The following SLC39A11 variants were observed in gnomAD, a reference collection of about 807,000 sequenced individuals.
The protein encoded by SLC39A11 is zinc transporter ZIP11.
A neutral mutation model predicts 36.1 loss-of-function variants in SLC39A11; 33 were observed. That is an observed-to-expected ratio of 0.91 (90% CI 0.69 to 1.22). SLC39A11 has a LOEUF of 1.22. Among genes scored for constraint, SLC39A11 ranks in the 50% most tolerant of loss-of-function variants. SLC39A11 has a pLI of 0.00. For synonymous variants in SLC39A11, 166 were observed against 170.3 expected (o/e 0.97, Z 0.20); for missense variants, 432 against 430.3 (o/e 1.00, Z -0.03).
chr17:72,916,839 G>A (rs939372097), intron 5 of SLC39A11, among the ~76,000 whole-genome samples: 1 of 152,106 alleles, frequency 6.6e-6, no homozygotes, highest in African/African-American at 2.4e-5. Flanking sequence ...GACCAAACAT[G>A]CCCAGACAGG....
chr17:72,968,019 T>C (rs552001416), intron 4 of SLC39A11, among the ~76,000 whole-genome samples: 2 of 149,264 alleles, frequency 1.3e-5, no homozygotes, highest in East Asian at 4.2e-4. Context: ...CTCCACCTCC[T>C]GACAGCATCA....
At chr17:73,064,548 G>T (rs184852511) in intron 3 of SLC39A11, among the ~76,000 whole-genome samples, 2 of 152,266 alleles carry the variant, frequency 1.3e-5, no homozygotes, top group African/African-American at 4.8e-5. Context: ...TAGGGCTCCA[G>T]ACTCCCCATC....
At chr17:72,986,564 G>A (rs1418110396) in intron 4 of SLC39A11, among the ~76,000 whole-genome samples, 3 of 152,182 alleles carry the variant, frequency 2.0e-5, no homozygotes, top group Non-Finnish European at 4.4e-5. Flanking sequence ...CAGCTAGCCC[G>A]AGGGGGCTCC....
chr17:72,652,335 G>T (rs2069889818), intron 7 of SLC39A11, among the ~76,000 whole-genome samples: 1 of 152,226 alleles, frequency 6.6e-6, no homozygotes. Context: ...GGTAGTTGAA[G>T]TTTGGGCTTT....
chr17:72,836,231 G>GA (rs1386215152), intron 6 of SLC39A11, among the ~76,000 whole-genome samples: 2 of 152,096 alleles, frequency 1.3e-5, no homozygotes, highest in Non-Finnish European at 2.9e-5. Flanking sequence ...AACTCTCTCT[G>GA]AAAAACAGTG....
chr17:72,973,478 G>A (rs1390968206), intron 4 of SLC39A11, among the ~76,000 whole-genome samples: 1 of 152,164 alleles, frequency 6.6e-6, no homozygotes, highest in Non-Finnish European at 1.5e-5. Flanking sequence ...TGCAGGGGAG[G>A]CTGTAGGTCT....
intron 3 of SLC39A11, among the ~76,000 whole-genome samples, chr17:73,081,593 G>A (rs767933127): frequency 4.7e-4 from 62 of 131,974 alleles, no homozygotes; most frequent in Non-Finnish European, 8.8e-4. Context: ...CAATCAAGGA[G>A]TGGATAAAGA....
chr17:73,008,797 T>C (rs2090336807), intron 4 of SLC39A11, among the ~76,000 whole-genome samples: 1 of 152,090 alleles, frequency 6.6e-6, no homozygotes, highest in South Asian at 2.1e-4. Context: ...CTCACGCCTG[T>C]AATCCCAGCA....
At chr17:72,663,442 A>C (rs1228910598) in intron 7 of SLC39A11, among the ~76,000 whole-genome samples, 1 of 152,220 alleles carries the variant, frequency 6.6e-6, no homozygotes, top group Non-Finnish European at 1.5e-5. Flanking sequence ...CCACATCCCG[A>C]TCAAGAAACG....
intron 7 of SLC39A11, among the ~76,000 whole-genome samples, chr17:72,665,789 CT>C (rs2070730340): frequency 6.6e-6 from 1 of 151,886 alleles, no homozygotes; most frequent in African/African-American, 2.4e-5. Context: ...CTTTCTTTTT[CT>C]TTCTTTCTCT....
intron 4 of SLC39A11, among the ~76,000 whole-genome samples, chr17:72,983,452 TG>T (rs2088485417): frequency 6.6e-6 from 1 of 152,196 alleles, no homozygotes; most frequent in Non-Finnish European, 1.5e-5. Context: ...CCCAGCCTGT[TG>T]TTGTTGTTGT....
intron 7 of SLC39A11, among the ~76,000 whole-genome samples, chr17:72,727,647 G>A (rs1374904434): frequency 2.5e-5 from 3 of 118,590 alleles, no homozygotes; most frequent in Admixed American, 9.5e-5. Flanking sequence ...GTGAGACTCC[G>A]TCTCAAAAAA....
rs144985569 is a variant in SLC39A11, at chr17:73,007,281, C to T, written c.306+24275G>A. 4.8e-3 allele frequency among the ~76,000 whole-genome samples: 735 copies of T among 152,204 alleles called. 11 individuals are homozygous for T. Among genetic ancestry groups the T allele is most frequent in the African/African-American group, 0.017 (694 of 41,512 alleles). ...ACTAAAATCACAAAAATTAGCCAGGCGTGGTGGCACATGCCTATAATCCCA... is the reference window on the plus strand; with the variant it reads ...ACTAAAATCACAAAAATTAGCCAGGTGTGGTGGCACATGCCTATAATCCCA... On this transcript the variant is annotated intron_variant, in intron 4 of 9. Transcript: ENST00000255559.
intron 5 of SLC39A11, among the ~76,000 whole-genome samples, chr17:72,903,103 A>C (rs953338420): frequency 1.3e-5 from 2 of 152,024 alleles, no homozygotes; most frequent in Admixed American, 1.3e-4. Context: ...CGTCTCTACC[A>C]AAAATACAAA....
intron 6 of SLC39A11, among the ~76,000 whole-genome samples, chr17:72,814,613 G>A (rs1169767534): frequency 2.0e-5 from 3 of 152,218 alleles, no homozygotes; most frequent in Non-Finnish European, 4.4e-5. Flanking sequence ...CATTTCCAGA[G>A]GCAAAGGGCC....
chr17:72,710,687 T>C (rs901664272), intron 7 of SLC39A11, among the ~76,000 whole-genome samples: 1 of 152,190 alleles, frequency 6.6e-6, no homozygotes, highest in African/African-American at 2.4e-5. Flanking sequence ...ACTAAGACAA[T>C]CTCCACCTTA....
chr17:72,877,527 T>C (rs781383497), intron 5 of SLC39A11, among the ~76,000 whole-genome samples: 3 of 152,180 alleles, frequency 2.0e-5, no homozygotes, highest in Admixed American at 1.3e-4. Context: ...CGATGCTTGA[T>C]TGAAACCTAC....
chr17:73,028,789 C>G (rs1231827955), intron 4 of SLC39A11, among the ~76,000 whole-genome samples: 1 of 134,816 alleles, frequency 7.4e-6, no homozygotes. Flanking sequence ...TATATTAGAA[C>G]AAATATGAAC....
chr17:72,647,038 AAGG>A lies in SLC39A11; in HGVS notation c.*543_*545del, dbSNP rs1425179847. ...TGTAGTATCTCCTTAGGGGGAGGTA[AAGG>A]AAGACATGCTCCTCTCTGGGCTGGC... On this transcript the variant is annotated 3_prime_UTR_variant, in exon 10 of 10. Transcript: ENST00000255559. 2.0e-5 allele frequency: 3 copies of A among 151,710 alleles called. No homozygotes were observed. In the East Asian group the frequency reaches 5.8e-4, roughly 29 times the overall value. The allele number at this position is 151,710 out of a possible 1,614,324, so 9.4% of individuals were successfully genotyped here.
Sources: gnomAD v4.1 joint callset for allele counts (sites outside exome capture counted in the v4.1 genomes callset) on GRCh38, gnomAD v4.1.1 for gene constraint, MANE v1.5 for transcripts, NCBI Gene and HGNC (gene_info 2026-07-23, HGNC 2026-07-21) for gene names.